PCDHGB4: variants seen among roughly 807,000 people sequenced by gnomAD.
PCDHGB4 encodes protocadherin gamma-B4.
In PCDHGB4, 38 loss-of-function variants were observed where a neutral mutation model predicts 60.5. The observed-to-expected ratio is 0.63, with a 90% CI of 0.48 to 0.82. The LOEUF (loss-of-function observed/expected upper bound fraction) is 0.82. Ranked by LOEUF, PCDHGB4 falls within the 40% of genes least tolerant of loss-of-function variation. The pLI, the probability that PCDHGB4 is intolerant of heterozygous loss-of-function variation, is 0.00. For synonymous variants in PCDHGB4, 456 were observed against 509.7 expected, an observed-to-expected ratio of 0.89 and a Z score of 1.42; for missense variants, 1,109 against 1,209.6, an observed-to-expected ratio of 0.92 and a Z score of 1.23.
chr5:141,502,027 C>T (rs547850211), intron 2 of PCDHGB4, among the ~76,000 whole-genome samples: 6 of 152,274 alleles, frequency 3.9e-5, no homozygotes, highest in African/African-American at 9.6e-5. Flanking sequence ...CTGCAACCCC[C>T]GCCGCTTGCC....
At chr5:141,503,116 A>G (rs1303445673) in intron 2 of PCDHGB4, among the ~76,000 whole-genome samples, 11 of 151,656 alleles carry the variant, frequency 7.3e-5, no homozygotes, top group Admixed American at 4.6e-4. Flanking sequence ...GCCTCTCTTC[A>G]TACCCTCTGG....
chr5:141,420,186 C>A, intron 1 of PCDHGB4: 1 of 1,613,696 alleles, frequency 6.2e-7, no homozygotes, highest in Non-Finnish European at 8.5e-7. Context: ...CATTGTCCAG[C>A]CACACAAGAT....
chr5:141,472,980 C>CAAAAAAAAAAA (rs60579131), intron 1 of PCDHGB4, among the ~76,000 whole-genome samples: 11 of 86,030 alleles, frequency 1.3e-4, no homozygotes, highest in Non-Finnish European at 1.3e-4. Flanking sequence ...GAGTGAAACT[C>CAAAAAAAAAAA]AAAAAAAAAA....
At chr5:141,415,469 C>G (rs1247738517) in intron 1 of PCDHGB4, 1 of 1,614,090 alleles carries the variant, frequency 6.2e-7, no homozygotes, top group Non-Finnish European at 8.5e-7. Context: ...TCTCTCACCG[C>G]GGACTCGCGA....
chr5:141,485,065 A>G lies in PCDHGB4; in HGVS notation c.2398-9742A>G, dbSNP rs527439590. On this transcript the variant is annotated intron_variant, in intron 1 of 3. Transcript: ENST00000519479. The surrounding 1 kb of genome is among the most constrained non-coding windows in gnomAD (Gnocchi z 5.7). ...TGCGGCGCCGGCCGAACCGCGCCAG[A>G]GCTGGCGCGGGGAAAGGGAGATAGG... The G allele has an allele frequency of 4.2e-5, 37 of 877,696 alleles. No individual in the cohort carries two copies. Among genetic ancestry groups the G allele is most frequent in the Non-Finnish European group, 6.5e-5 (36 of 552,826 alleles). The allele number at this position is 877,696 out of a possible 1,614,324, so 54.4% of individuals were successfully genotyped here. A position where few individuals can be genotyped will look rare whatever the true frequency, so the allele number is the denominator to read the frequency against.
chr5:141,394,912 T>C (rs1205097386), intron 1 of PCDHGB4: 11 of 1,613,694 alleles, frequency 6.8e-6, no homozygotes, highest in Non-Finnish European at 9.3e-6. Context: ...GTGGCTGCCA[T>C]CTCCTGTGTC....
intron 1 of PCDHGB4, chr5:141,404,984 C>T (rs779919758): frequency 6.2e-7 from 1 of 1,614,034 alleles, no homozygotes; most frequent in African/African-American, 1.3e-5. Context: ...CCTGGGCAGT[C>T]TTCAGATCCC....
chr5:141,476,507 A>G lies in PCDHGB4; in HGVS notation c.2398-18300A>G. 1 of 1,614,102 alleles carries G rather than the reference A, an allele frequency of 6.2e-7. No individual in the cohort carries two copies. The highest frequency in any genetic ancestry group is 8.5e-7 in the Non-Finnish European group (1 of 1,180,008). On this transcript the variant is annotated intron_variant, in intron 1 of 3. Transcript: ENST00000519479. This position sits in a 1 kb window ranked among gnomAD's most constrained non-coding sequence, Gnocchi z 7.6. Reference sequence around the variant, plus strand: ...AGTGGTGATCCAGGACATCAACGACAACAATCCTGCTTTCCCTACCCAGGA... The same window carrying G: ...AGTGGTGATCCAGGACATCAACGACGACAATCCTGCTTTCCCTACCCAGGA...
chr5:141,394,608 G>A lies in PCDHGB4; in HGVS notation c.2397+4327G>A, dbSNP rs749049825. 15 of 1,613,420 alleles carry A rather than the reference G, an allele frequency of 9.3e-6. No homozygotes were observed. The African/African-American group carries it at 1.9e-4, about 20-fold the overall frequency. ...GGTGGTGGCGGTGGACAGAGACTCGGGCCAGAACGCCTGGCTGTCCTACCG... is the reference window on the plus strand; with the variant it reads ...GGTGGTGGCGGTGGACAGAGACTCGAGCCAGAACGCCTGGCTGTCCTACCG... On this transcript the variant is annotated intron_variant, in intron 1 of 3. Transcript: ENST00000519479.
intron 1 of PCDHGB4, among the ~76,000 whole-genome samples, chr5:141,469,304 C>T (rs890230691): frequency 2.0e-5 from 3 of 151,892 alleles, no homozygotes; most frequent in East Asian, 1.9e-4. Flanking sequence ...AGACTGGGCA[C>T]GATGGCTCAC....
intron 1 of PCDHGB4, among the ~76,000 whole-genome samples, chr5:141,425,869 C>T (rs1376765137): frequency 2.0e-5 from 3 of 152,198 alleles, no homozygotes. Context: ...TATAGATTCC[C>T]ATCTCTAAGG....
intron 2 of PCDHGB4, among the ~76,000 whole-genome samples, chr5:141,504,359 A>C (rs988295720): frequency 2.6e-5 from 4 of 152,044 alleles, no homozygotes; most frequent in African/African-American, 9.7e-5. Flanking sequence ...TAGGTGCTTC[A>C]GTAGGAAGCA....
intron 1 of PCDHGB4, chr5:141,427,798 T>C: frequency 6.6e-7 from 1 of 1,506,550 alleles, no homozygotes; most frequent in South Asian, 1.1e-5. Flanking sequence ...TACGTGTCCG[T>C]GAGCGCACAG....
At chr5:141,433,646 A>G (rs2097639113) in intron 1 of PCDHGB4, among the ~76,000 whole-genome samples, 1 of 152,012 alleles carries the variant, frequency 6.6e-6, no homozygotes, top group Non-Finnish European at 1.5e-5. Flanking sequence ...GACCAGCCTG[A>G]CCAACATGGA....
chr5:141,393,535 T>G, intron 1 of PCDHGB4: 1 of 1,613,888 alleles, frequency 6.2e-7, no homozygotes, highest in Non-Finnish European at 8.5e-7. Context: ...AATGCCCCGG[T>G]TTTTCCTCAC....
At chr5:141,503,089 G>C (rs1352372525) in intron 2 of PCDHGB4, among the ~76,000 whole-genome samples, 2 of 151,590 alleles carry the variant, frequency 1.3e-5, no homozygotes, top group Non-Finnish European at 2.9e-5. Context: ...TCCTGACCTC[G>C]TGGTCTGCCC....
intron 1 of PCDHGB4, among the ~76,000 whole-genome samples, chr5:141,455,201 CAATAAGAGTTTTT>C (rs1373301624): frequency 6.6e-6 from 1 of 151,722 alleles, no homozygotes; most frequent in Non-Finnish European, 1.5e-5. Flanking sequence ...AATTTACAAC[CAATAAGAGTTTTT>C]AATGCTTTGA....
rs758132181 is a variant in PCDHGB4, at chr5:141,486,827, C to T, written c.2398-7980C>T. On this transcript the variant is annotated intron_variant, in intron 1 of 3. Coordinates refer to ENST00000519479, the MANE Select transcript of PCDHGB4 (RefSeq NM_003736.4). This position sits in a 1 kb window ranked among gnomAD's most constrained non-coding sequence, Gnocchi z 5.0. The stretch of plus-strand genomic sequence containing the variant: ...ACCCCTTAGCAGCACTGTAACAGTT[C>T]GTCTATTTGTGCTGGACCTCAATGA... 10 of 1,614,110 alleles carry T rather than the reference C, an allele frequency of 6.2e-6. No individual in the cohort carries two copies. The African/African-American group carries it at 8.0e-5, about 13-fold the overall frequency.
chr5:141,489,126 T>A lies in PCDHGB4; in HGVS notation c.2398-5681T>A. ...TGCAAGCAGGCAAACCTCCGAGCAGTTTTTAAGAGGCTGGAAGGAGACATA... is the reference window on the plus strand; with the variant it reads ...TGCAAGCAGGCAAACCTCCGAGCAGATTTTAAGAGGCTGGAAGGAGACATA... On this transcript the variant is annotated intron_variant, in intron 1 of 3. Transcript: ENST00000519479. This position sits in a 1 kb window ranked among gnomAD's most constrained non-coding sequence, Gnocchi z 4.5. 1.7e-6 allele frequency: 1 copy of A among 585,136 alleles called. No individual in the cohort carries two copies. Among genetic ancestry groups the A allele is most frequent in the Non-Finnish European group, 2.7e-6 (1 of 375,012 alleles). The allele number at this position is 585,136 out of a possible 1,614,324, so 36.2% of individuals were successfully genotyped here.
Sources: gnomAD v4.1 joint callset for allele counts (sites outside exome capture counted in the v4.1 genomes callset) on GRCh38, gnomAD v4.1.1 for gene constraint, Gnocchi (gnomAD v3.1) non-coding constraint, MANE v1.5 for transcripts, NCBI Gene and HGNC (gene_info 2026-07-23, HGNC 2026-07-21) for gene names.